ECHDC2: variants seen among roughly 807,000 people sequenced by gnomAD.
ECHDC2 encodes enoyl-CoA hydratase domain-containing protein 2, mitochondrial.
A neutral mutation model predicts 40.6 loss-of-function variants in ECHDC2; 34 were observed. That is an observed-to-expected ratio of 0.84 (90% CI 0.64 to 1.11). The LOEUF (loss-of-function observed/expected upper bound fraction) is 1.11, where lower values mean the gene tolerates loss of function less well. Ranked by LOEUF, ECHDC2 falls within the 50% of genes most tolerant of loss-of-function variation. The probability of loss-of-function intolerance (pLI) is 0.00; values close to 1 mark genes in which losing one functional copy is unlikely to be tolerated. For missense variants in ECHDC2, 392 were observed against 400.7 expected, an observed-to-expected ratio of 0.98 and a Z score of 0.19; for synonymous variants, 162 against 166.6, an observed-to-expected ratio of 0.97 and a Z score of 0.21.
chr1:52,918,023 C>G (rs1651080140), intron 1 of ECHDC2, among the ~76,000 whole-genome samples: 1 of 152,040 alleles, frequency 6.6e-6, no homozygotes, highest in Non-Finnish European at 1.5e-5. Flanking sequence ...GGCTGGAGTA[C>G]AGTAACACGA....
intron 8 of ECHDC2, 56 bp from the exon 9 acceptor site, chr1:52,897,540 C>A: frequency 6.3e-7 from 1 of 1,585,636 alleles, no homozygotes. Context: ...TTCACCCACA[C>A]TGGAAGCCAG....
intron 4 of ECHDC2, chr1:52,906,910 G>T: frequency 5.6e-6 from 1 of 177,494 alleles, no homozygotes; most frequent in Non-Finnish European, 1.2e-5. Flanking sequence ...GATTACAGAT[G>T]TGCGCCACCA....
rs758167745 is a variant in ECHDC2, at chr1:52,921,686, T to C, written c.-13A>G. ...GAACGCGCAGCATCGGGGCGCAGGC[T>C]GGGAGTGAAGGTGCTTCTCCGGCCC... On this transcript the variant is annotated 5_prime_UTR_variant, in exon 1 of 10. Coordinates refer to ENST00000371522, the MANE Select transcript of ECHDC2 (RefSeq NM_001198961.2). The C allele has an allele frequency of 8.4e-6, 13 of 1,545,916 alleles. No homozygotes were observed. The East Asian group carries it at 3.1e-4, about 37-fold the overall frequency.
intron 1 of ECHDC2, among the ~76,000 whole-genome samples, chr1:52,916,374 C>T (rs772985001): frequency 6.6e-5 from 10 of 152,126 alleles, no homozygotes; most frequent in Non-Finnish European, 1.0e-4. Context: ...ATCTCCCTCT[C>T]GGAATACTGA....
In ECHDC2 at chr1:52,896,366, G is replaced by A; in HGVS notation, c.*154C>T. ...TGGTAGGATCAGCACCTTGGTTCCA[G>A]GCATCACGCCAGTCATTTTATTTCC... On this transcript the variant is annotated 3_prime_UTR_variant, in exon 10 of 10. Coordinates refer to ENST00000371522, the MANE Select transcript of ECHDC2 (RefSeq NM_001198961.2). 1 of 676,230 alleles carries A rather than the reference G, an allele frequency of 1.5e-6. No homozygotes were observed. The highest frequency in any genetic ancestry group is 2.7e-6 in the Non-Finnish European group (1 of 376,726). 41.9% of individuals were successfully genotyped at this position (676,230 alleles called of 1,614,324 possible). A position where few individuals can be genotyped will look rare whatever the true frequency, so the allele number is the denominator to read the frequency against.
chr1:52,907,610 T>C, intron 4 of ECHDC2: 1 of 423,218 alleles, frequency 2.4e-6, no homozygotes, highest in Non-Finnish European at 4.2e-6. Context: ...AAAGCATGCT[T>C]GGGGAAACTT....
In ECHDC2 at chr1:52,921,617, G is replaced by T; in HGVS notation, c.57C>A (p.Cys19Ter). 6.3e-7 allele frequency: 1 copy of T among 1,598,114 alleles called. No homozygotes were observed. Among genetic ancestry groups the T allele is most frequent in the Non-Finnish European group, 8.5e-7 (1 of 1,173,254 alleles). The part of the protein sequence containing the change: ...RPWRPLRARG[C>*]ASDGAAGGSE... ...AGCCCCCGGCCGCCCCGTCGGAAGC[G>T]CAGCCGCGGGCCCGAAGGGGCCTCC... The change falls in exon 1 of 10, where the codon TGC (cysteine) becomes TGA (stop). Residue 19 changes from cysteine (C) to a stop codon, truncating the protein, a stop_gained. Transcript: ENST00000371522. LOFTEE classifies it high-confidence loss of function.
intron 8 of ECHDC2, 141 bp from the exon 9 acceptor site, chr1:52,897,625 C>T (rs1646721648): frequency 1.2e-6 from 1 of 807,004 alleles, no homozygotes. Flanking sequence ...AGAGAAGAAA[C>T]ACCATTCGTA....
At chr1:52,898,801 G>T (rs931166412) in intron 8 of ECHDC2, 34 of 339,552 alleles carry the variant, frequency 1.0e-4, no homozygotes, top group Non-Finnish European at 1.7e-4. Context: ...CACACCCAAG[G>T]CATCACCCCA....
chr1:52,905,250 C>T (rs1647481367), intron 5 of ECHDC2, 160 bp from the exon 6 acceptor site: 1 of 716,122 alleles, frequency 1.4e-6, no homozygotes, highest in Admixed American at 2.7e-5. Flanking sequence ...TTGGAAGAGC[C>T]CTAGCCCAGA....
At chr1:52,905,406 C>T (rs747138866) in intron 5 of ECHDC2, 15 of 412,588 alleles carry the variant, frequency 3.6e-5, no homozygotes, top group Non-Finnish European at 5.3e-5. Flanking sequence ...AAGGATCACA[C>T]GAGGTACGAC....
intron 7 of ECHDC2, chr1:52,901,798 A>C (rs757707257): frequency 3.9e-5 from 6 of 152,220 alleles, no homozygotes; most frequent in Non-Finnish European, 8.8e-5. Context: ...CCAATATTTT[A>C]GTATATTTGG....
chr1:52,897,633 G>T lies in ECHDC2; in HGVS notation c.754-149C>A, dbSNP rs1269994716. The T allele has an allele frequency of 1.6e-5, 12 of 763,220 alleles. No homozygotes were observed. In the East Asian group the frequency reaches 2.9e-4, roughly 18 times the overall value. The allele number at this position is 763,220 out of a possible 1,614,324, so 47.3% of individuals were successfully genotyped here. A position where few individuals can be genotyped will look rare whatever the true frequency, so the allele number is the denominator to read the frequency against. On this transcript the variant is annotated intron_variant, in intron 8 of 9. Coordinates refer to ENST00000371522, the MANE Select transcript of ECHDC2 (RefSeq NM_001198961.2). ...CCCTCCTAGAGAAGAAACACCATTCGTAACTATGACAAAACTGCTGGGAGA... is the reference window on the plus strand; with the variant it reads ...CCCTCCTAGAGAAGAAACACCATTCTTAACTATGACAAAACTGCTGGGAGA...
chr1:52,911,224 G>T (rs966093099), intron 3 of ECHDC2, among the ~76,000 whole-genome samples: 1 of 151,840 alleles, frequency 6.6e-6, no homozygotes, highest in African/African-American at 2.4e-5. Flanking sequence ...TGATCTACCC[G>T]CCCCAGCCTC....
At position 52,915,723 on chromosome 1, in the gene ECHDC2, C is replaced by T. The variant is rs138654771; in HGVS notation, c.122-3933G>A. 6.6e-4 allele frequency among the ~76,000 whole-genome samples: 100 copies of T among 152,294 alleles called. No individual in the cohort carries two copies. The East Asian group carries it at 0.018, about 27-fold the overall frequency. On this transcript the variant is annotated intron_variant, in intron 1 of 9. Transcript: ENST00000371522. The stretch of plus-strand genomic sequence containing the variant: ...CTCATGTTTACATCCTGAATAATCC[C>T]CTCCCTTGCATGTGGGTGGGACCTG...
chr1:52,899,029 G>C lies in ECHDC2; in HGVS notation c.753+145C>G, dbSNP rs114414646. On this transcript the variant is annotated intron_variant, in intron 8 of 9. Coordinates refer to ENST00000371522, the MANE Select transcript of ECHDC2 (RefSeq NM_001198961.2). ...CCAATTTGCAGATGTGTAAACTGAC[G>C]TAGAGCACGAGGTCAGAGTTCAAGT... 69 of 799,054 alleles carry C rather than the reference G, an allele frequency of 8.6e-5. 1 individual carries two copies. In the South Asian group the frequency reaches 9.2e-4, roughly 11 times the overall value. The allele number at this position is 799,054 out of a possible 1,614,324, so 49.5% of individuals were successfully genotyped here.
intron 3 of ECHDC2, among the ~76,000 whole-genome samples, chr1:52,909,158 A>C (rs1648764247): frequency 6.6e-6 from 1 of 152,142 alleles, no homozygotes; most frequent in South Asian, 2.1e-4. Context: ...ACCCTGGTGC[A>C]TTGCTGGTGG....
At chr1:52,910,648 C>T (rs1168926920) in intron 3 of ECHDC2, among the ~76,000 whole-genome samples, 5 of 151,846 alleles carry the variant, frequency 3.3e-5, no homozygotes, top group African/African-American at 1.2e-4. Context: ...GGATTACAGG[C>T]GTGAGCCACT....
intron 3 of ECHDC2, among the ~76,000 whole-genome samples, chr1:52,909,108 CAAACA>C (rs1298975641): frequency 6.6e-6 from 1 of 151,952 alleles, no homozygotes; most frequent in Non-Finnish European, 1.5e-5. Flanking sequence ...GCTTTTAAAA[CAAACA>C]AAACAAAAAG....
Sources: gnomAD v4.1 joint callset for allele counts (sites outside exome capture counted in the v4.1 genomes callset) on GRCh38, gnomAD v4.1.1 for gene constraint, MANE v1.5 for transcripts, NCBI Gene and HGNC (gene_info 2026-07-23, HGNC 2026-07-21) for gene names.